The following TENM4 variants were observed in gnomAD, a reference collection of about 807,000 sequenced individuals.
The protein encoded by TENM4 is teneurin transmembrane protein 4.
A neutral mutation model predicts 243.3 loss-of-function variants in TENM4; 82 were observed. The ratio of observed to expected loss-of-function variants is 0.34; its 90% CI spans 0.28 to 0.40. The LOEUF (loss-of-function observed/expected upper bound fraction) is 0.40. Among genes scored for constraint, TENM4 ranks in the 10% least tolerant of loss-of-function variants. The probability of loss-of-function intolerance (pLI) is 1.00; values close to 1 mark genes in which losing one functional copy is unlikely to be tolerated. For missense variants in TENM4, 3,138 were observed against 3,673.3 expected (o/e 0.85, Z 3.77); for synonymous variants, 1,412 against 1,456.3 (o/e 0.97, Z 0.69).
intron 2 of TENM4, among the ~76,000 whole-genome samples, chr11:79,226,374 GA>G (rs1864265799): frequency 6.6e-6 from 1 of 152,222 alleles, no homozygotes; most frequent in Non-Finnish European, 1.5e-5. Context: ...CAGAGGGGGA[GA>G]GGGGTACTCT....
chr11:79,194,983 C>A (rs1417367489), intron 3 of TENM4, among the ~76,000 whole-genome samples: 1 of 152,190 alleles, frequency 6.6e-6, no homozygotes, highest in East Asian at 1.9e-4. Context: ...CTGTGTGCAG[C>A]CTAGGGACTT....
rs578030718 is a variant in TENM4, at chr11:79,156,072, G to A, written c.-162-7266C>T. Among the ~76,000 whole-genome samples, 19 of 152,260 alleles carry A rather than the reference G, an allele frequency of 1.2e-4. No individual in the cohort carries two copies. The East Asian group carries it at 1.4e-3, about 11-fold the overall frequency. Reference sequence around the variant, plus strand: ...CTTCAGTTACATAGAAAATGTCAACGGTTAGGACTGGCCTCTCCCAGCAGA... The same window carrying A: ...CTTCAGTTACATAGAAAATGTCAACAGTTAGGACTGGCCTCTCCCAGCAGA... On this transcript the variant is annotated intron_variant, in intron 3 of 33. Transcript: ENST00000278550.
chr11:79,145,868 C>T (rs1370067481), intron 4 of TENM4, among the ~76,000 whole-genome samples: 2 of 151,858 alleles, frequency 1.3e-5, no homozygotes, highest in Non-Finnish European at 2.9e-5. Context: ...TTTGTCATTC[C>T]CTGAAGAGTA....
chr11:78,847,872 T>A (rs780146101), intron 12 of TENM4, among the ~76,000 whole-genome samples: 5 of 152,190 alleles, frequency 3.3e-5, no homozygotes, highest in Non-Finnish European at 7.3e-5. Flanking sequence ...AATTATGGTA[T>A]ATAATGTCAG....
At chr11:79,245,653 C>A (rs1317573978) in intron 2 of TENM4, among the ~76,000 whole-genome samples, 1 of 151,950 alleles carries the variant, frequency 6.6e-6, no homozygotes, top group Non-Finnish European at 1.5e-5. Flanking sequence ...AAAAAGAAAA[C>A]AATTGGCCGG....
At chr11:78,972,116 AT>A (rs772700768) in intron 6 of TENM4, among the ~76,000 whole-genome samples, 3 of 152,144 alleles carry the variant, frequency 2.0e-5, no homozygotes, top group African/African-American at 7.2e-5. Flanking sequence ...TGAATATGAG[AT>A]TTTTTAAAAA....
intron 26 of TENM4, among the ~76,000 whole-genome samples, chr11:78,710,237 A>G (rs1242068379): frequency 6.6e-6 from 1 of 152,254 alleles, no homozygotes; most frequent in East Asian, 1.9e-4. Flanking sequence ...GGATTCTAAC[A>G]TCTGACTTGT....
In TENM4 at chr11:79,230,572, G is replaced by A. The variant is rs536056029; in HGVS notation, c.-264-14663C>T. 1.0e-3 allele frequency among the ~76,000 whole-genome samples: 159 copies of A among 152,310 alleles called. 5 individuals carry two copies. In the South Asian group the frequency reaches 0.03, roughly 29 times the overall value. ...TCTCTGAGCCTTAGTTCCTTCACCCGATAATGGAAATAACATTAATACTTA... is the reference window on the plus strand; with the variant it reads ...TCTCTGAGCCTTAGTTCCTTCACCCAATAATGGAAATAACATTAATACTTA... On this transcript the variant is annotated intron_variant, in intron 2 of 33. Transcript: ENST00000278550.
chr11:79,166,465 C>A (rs977008395), intron 3 of TENM4, among the ~76,000 whole-genome samples: 7 of 152,130 alleles, frequency 4.6e-5, no homozygotes, highest in Non-Finnish European at 7.4e-5. Context: ...AAGGTTTATG[C>A]ACAAGTGGGA....
At chr11:79,230,630 C>T (rs938354258) in intron 2 of TENM4, among the ~76,000 whole-genome samples, 1 of 152,210 alleles carries the variant, frequency 6.6e-6, no homozygotes, top group African/African-American at 2.4e-5. Flanking sequence ...TGAGGACCTA[C>T]TGAAAAACAA....
chr11:78,796,977 G>A (rs571232674), intron 15 of TENM4, among the ~76,000 whole-genome samples: 1 of 152,312 alleles, frequency 6.6e-6, no homozygotes, highest in African/African-American at 2.4e-5. Context: ...TGAAACCCTT[G>A]TAGTAATATT....
chr11:78,826,993 C>G (rs1181540625), intron 12 of TENM4, among the ~76,000 whole-genome samples: 1 of 152,126 alleles, frequency 6.6e-6, no homozygotes, highest in Non-Finnish European at 1.5e-5. Context: ...TTCTAAAAGT[C>G]ACTTATTTGG....
chr11:78,814,491 T>C (rs1356413642), intron 12 of TENM4, 96 bp from the exon 13 acceptor site: 13 of 1,008,734 alleles, frequency 1.3e-5, no homozygotes, highest in Non-Finnish European at 1.9e-5. Flanking sequence ...GACCCACATA[T>C]TTGAGCTCTT....
chr11:78,953,105 C>T (rs144247440), intron 6 of TENM4, among the ~76,000 whole-genome samples: 2,609 of 152,136 alleles, frequency 0.017, 68 homozygotes, highest in African/African-American at 0.053. Flanking sequence ...GCCAGCTGAC[C>T]AGAAGGAAAA....
intron 3 of TENM4, among the ~76,000 whole-genome samples, chr11:79,158,345 C>A (rs1364665338): frequency 1.3e-5 from 2 of 152,214 alleles, no homozygotes; most frequent in Non-Finnish European, 2.9e-5. Flanking sequence ...GCATAGGAGA[C>A]TACAGACACA....
At chr11:78,983,215 CATTCAACAAGT>C (rs766491302) in intron 6 of TENM4, among the ~76,000 whole-genome samples, 5 of 152,214 alleles carry the variant, frequency 3.3e-5, no homozygotes, top group Non-Finnish European at 7.3e-5. Flanking sequence ...TTCACTCACT[CATTCAACAAGT>C]ATTTATAGAA....
At position 78,683,379 on chromosome 11, in the gene TENM4, C is replaced by T. The variant is rs1239768742; in HGVS notation, c.5260+4675G>A. ...ATGGCGGGCGCCCCTCCCCCAGCCT[C>T]GTTGCCGCCTTGCAGTTTGATCTCA... On this transcript the variant is annotated intron_variant, in intron 29 of 33. Coordinates refer to ENST00000278550, the MANE Select transcript of TENM4 (RefSeq NM_001098816.3). Among the ~76,000 whole-genome samples, 11 of 72,198 alleles carry T rather than the reference C, an allele frequency of 1.5e-4. 2 individuals carry two copies. The highest frequency in any genetic ancestry group is 6.3e-4 in the South Asian group (2 of 3,170). The allele number at this position is 72,198 out of a possible 152,430, so 47.4% of individuals were successfully genotyped here. A position where few individuals can be genotyped will look rare whatever the true frequency, so the allele number is the denominator to read the frequency against.
chr11:79,244,868 C>T (rs1010626025), intron 2 of TENM4, among the ~76,000 whole-genome samples: 2 of 152,096 alleles, frequency 1.3e-5, no homozygotes, highest in African/African-American at 4.8e-5. Context: ...GACCTTCAGG[C>T]TGAAGGAAGA....
At chr11:79,368,141 G>A (rs1374882575) in intron 1 of TENM4, among the ~76,000 whole-genome samples, 4 of 152,160 alleles carry the variant, frequency 2.6e-5, no homozygotes, top group Admixed American at 6.5e-5. Context: ...GGGCAGGACT[G>A]GGTCAGTCTC....
Sources: gnomAD v4.1 joint callset for allele counts (sites outside exome capture counted in the v4.1 genomes callset) on GRCh38, gnomAD v4.1.1 for gene constraint, MANE v1.5 for transcripts, NCBI Gene and HGNC (gene_info 2026-07-23, HGNC 2026-07-21) for gene names.